CUX1: variants seen among roughly 807,000 people sequenced by gnomAD.
CUX1 encodes cut like homeobox 1.
Under a neutral mutation model 158.8 loss-of-function variants are expected in CUX1, and 31 were observed. That is an observed-to-expected ratio of 0.20 (90% CI 0.15 to 0.26). The LOEUF is 0.26. Ranked by LOEUF, CUX1 falls within the 10% of genes least tolerant of loss-of-function variation. CUX1 has a pLI of 1.00. For synonymous variants in CUX1, 879 were observed against 862.1 expected, an observed-to-expected ratio of 1.02 and a Z score of -0.34; for missense variants, 1,589 against 2,014.6, an observed-to-expected ratio of 0.79 and a Z score of 4.04.
intron 8 of CUX1, among the ~76,000 whole-genome samples, chr7:102,140,650 A>C (rs1554499933): frequency 6.7e-6 from 1 of 149,440 alleles, no homozygotes; most frequent in East Asian, 2.2e-4. Flanking sequence ...ACTTGAGGTC[A>C]GGAGTTCAAG....
intron 3 of CUX1, among the ~76,000 whole-genome samples, chr7:102,057,463 T>C (rs1824296003): frequency 6.6e-6 from 1 of 152,178 alleles, no homozygotes; most frequent in Admixed American, 6.5e-5. Flanking sequence ...TGGAAAGGAG[T>C]CACCATTTTA....
chr7:102,034,727 T>C (rs1475783717), intron 3 of CUX1, among the ~76,000 whole-genome samples: 1 of 137,846 alleles, frequency 7.3e-6, no homozygotes, highest in Non-Finnish European at 1.5e-5. Flanking sequence ...CACTCCAGCC[T>C]GGTGACAGAG....
chr7:102,169,109 T>G (rs1372122235), intron 9 of CUX1, among the ~76,000 whole-genome samples: 1 of 151,416 alleles, frequency 6.6e-6, no homozygotes, highest in East Asian at 1.9e-4. Context: ...CATTTTGTGT[T>G]TTTAGTAGAG....
At chr7:102,065,870 AACCTCCGCC>A (rs201552096) in intron 3 of CUX1, among the ~76,000 whole-genome samples, 1,576 of 131,390 alleles carry the variant, frequency 0.012, 29 homozygotes, top group African/African-American at 0.044. Context: ...GGCTCACTGC[AACCTCCGCC>A]TCCTGGGTTC....
At chr7:102,282,012 C>A in intron 21 of CUX1, 1 of 871,734 alleles carries the variant, frequency 1.1e-6, no homozygotes, top group Non-Finnish European at 1.9e-6. Context: ...GGCCTGGCCC[C>A]TGGGCCTACC....
chr7:102,051,976 C>A (rs1823563941), intron 3 of CUX1, among the ~76,000 whole-genome samples: 1 of 152,112 alleles, frequency 6.6e-6, no homozygotes, highest in Non-Finnish European at 1.5e-5. Flanking sequence ...CTTTGGGAGG[C>A]CAAGTCAGGC....
intron 9 of CUX1, among the ~76,000 whole-genome samples, chr7:102,162,272 A>G (rs1216755744): frequency 2.0e-5 from 3 of 152,024 alleles, no homozygotes; most frequent in Non-Finnish European, 4.4e-5. Context: ...TGGCGAGAGG[A>G]AACTTTTTTG....
At chr7:102,098,645 CTT>C (rs76559878) in intron 5 of CUX1, among the ~76,000 whole-genome samples, 86,921 of 143,138 alleles carry the variant, frequency 0.61, 27,816 homozygotes, top group African/African-American at 0.79. Flanking sequence ...GCAAAGACTT[CTT>C]TTTTTTTTTT....
At chr7:101,884,405 T>G (rs1800019715) in intron 1 of CUX1, among the ~76,000 whole-genome samples, 1 of 152,220 alleles carries the variant, frequency 6.6e-6, no homozygotes, top group Non-Finnish European at 1.5e-5. Flanking sequence ...TGTTTTTCTG[T>G]CCGGTAATTG....
At chr7:101,901,762 G>A (rs1166005533) in intron 1 of CUX1, among the ~76,000 whole-genome samples, 1 of 152,236 alleles carries the variant, frequency 6.6e-6, no homozygotes, top group Non-Finnish European at 1.5e-5. Flanking sequence ...GTTAGTGGCT[G>A]AGAAACCCCA....
At chr7:101,997,467 C>T (rs113332582) in intron 2 of CUX1, among the ~76,000 whole-genome samples, 6,211 of 151,472 alleles carry the variant, frequency 0.041, 496 homozygotes, top group African/African-American at 0.14. Context: ...CCCCAGCCTC[C>T]CGAATAGCTG....
chr7:101,966,728 T>C lies in CUX1; in HGVS notation c.141+50503T>C, dbSNP rs915011791. Among the ~76,000 whole-genome samples the C allele has an allele frequency of 1.1e-4, 17 of 152,106 alleles. 1 individual carries two copies. The highest frequency in any genetic ancestry group is 1.0e-3 in the Admixed American group (16 of 15,274). ...CCACCTGCAGGGAACATCAGAGGTG[T>C]GTGCTTCTTGAGGGTCGTTACCCAC... On this transcript the variant is annotated intron_variant, in intron 2 of 23. Transcript: ENST00000292535.
intron 2 of CUX1, among the ~76,000 whole-genome samples, chr7:101,984,791 C>G (rs1455318618): frequency 6.6e-6 from 1 of 152,092 alleles, no homozygotes; most frequent in Non-Finnish European, 1.5e-5. Flanking sequence ...ATAAACCGCG[C>G]AAGAAGAAAT....
chr7:101,918,797 C>A lies in CUX1; in HGVS notation c.141+2572C>A, dbSNP rs190952984. Among the ~76,000 whole-genome samples the A allele has an allele frequency of 7.2e-5, 11 of 152,222 alleles. No individual in the cohort carries two copies. In the East Asian group the frequency reaches 2.1e-3, roughly 29 times the overall value. ...TTTATTTTTTGAGACAGAGTCTTGCCCTCAGGTTGGAGGACCACCCAATCG... is the reference window on the plus strand; with the variant it reads ...TTTATTTTTTGAGACAGAGTCTTGCACTCAGGTTGGAGGACCACCCAATCG... On this transcript the variant is annotated intron_variant, in intron 2 of 23. Coordinates refer to ENST00000292535, the MANE Select transcript of CUX1 (RefSeq NM_181552.4).
At chr7:102,268,767 G>A (rs1318074953) in intron 14 of CUX1, among the ~76,000 whole-genome samples, 1 of 151,998 alleles carries the variant, frequency 6.6e-6, no homozygotes, top group East Asian at 1.9e-4. Context: ...GTGGGAGCAG[G>A]TGTGAGACAT....
At position 102,250,845 on chromosome 7, in the gene CUX1, T is replaced by C. The variant is rs1320760106; in HGVS notation, c.*1803T>C. ...ATTTTCTTAAGTACCTGTGCACACG[T>C]AGAGTGCATTACTGCCACCTTTTTC... On this transcript the variant is annotated 3_prime_UTR_variant, in exon 24 of 24. Coordinates refer to ENST00000292535, the MANE Select transcript of CUX1 (RefSeq NM_181552.4). The C allele has an allele frequency of 1.0e-6, 1 of 985,452 alleles. No homozygotes were observed. Among genetic ancestry groups the C allele is most frequent in the South Asian group, 4.7e-5 (1 of 21,288 alleles). The allele number at this position is 985,452 out of a possible 1,614,324, so 61.0% of individuals were successfully genotyped here. A position where few individuals can be genotyped will look rare whatever the true frequency, so the allele number is the denominator to read the frequency against.
intron 1 of CUX1, among the ~76,000 whole-genome samples, chr7:101,906,085 C>T (rs76939752): frequency 0.2 from 30,370 of 151,870 alleles, 3,856 homozygotes; most frequent in Non-Finnish European, 0.28. Context: ...CTCGGCCTTC[C>T]AAAGTGTTGG....
intron 20 of CUX1, among the ~76,000 whole-genome samples, chr7:102,220,322 C>T (rs73412034): frequency 0.059 from 8,924 of 152,302 alleles, 306 homozygotes; most frequent in Non-Finnish European, 0.068. Context: ...GATTGCACCA[C>T]TACACTCCAG....
chr7:102,115,382 C>T, intron 8 of CUX1, 109 bp downstream of exon 8: 1 of 885,560 alleles, frequency 1.1e-6, no homozygotes, highest in Non-Finnish European at 1.8e-6. Flanking sequence ...TGCAGGGACA[C>T]AGTGTATTTC....
Sources: allele counts gnomAD v4.1 joint callset (sites outside exome capture counted in the v4.1 genomes callset), GRCh38; gene constraint gnomAD v4.1.1; transcripts MANE v1.5; gene names NCBI Gene and HGNC (gene_info 2026-07-23, HGNC 2026-07-21).